ATP13A2: variants seen among roughly 807,000 people sequenced by gnomAD.
The protein encoded by ATP13A2 is ATPase cation transporting 13A2, also known as polyamine-transporting ATPase 13A2.
ATP13A2 carries 83 observed loss-of-function variants against 138.3 expected under a neutral mutation model. That is an observed-to-expected ratio of 0.60 (90% CI 0.50 to 0.72). ATP13A2 has a LOEUF of 0.72. Ranked by LOEUF, ATP13A2 falls within the 30% of genes least tolerant of loss-of-function variation. The pLI, the probability that ATP13A2 is intolerant of heterozygous loss-of-function variation, is 0.00. For synonymous variants in ATP13A2, 663 were observed against 699.0 expected (o/e 0.95, Z 0.81); for missense variants, 1,402 against 1,606.4 (o/e 0.87, Z 2.17).
intron 1 of ATP13A2, among the ~76,000 whole-genome samples, chr1:17,006,312 T>A (rs1006051366): frequency 6.7e-5 from 10 of 149,244 alleles, no homozygotes; most frequent in African/African-American, 2.0e-4. Context: ...GTGCAGTCAC[T>A]TGATCTCAGC....
intron 15 of ATP13A2, among the ~76,000 whole-genome samples, chr1:16,994,222 ATTTT>A (rs374466494): frequency 7.2e-6 from 1 of 139,290 alleles, no homozygotes; most frequent in African/African-American, 2.6e-5. Flanking sequence ...TTATTTATTT[ATTTT>A]TATTTTTATT....
rs760935912 is a variant in ATP13A2 at position 16,986,863 on chromosome 1, G to A, written c.3177C>T (p.Leu1059=). Residue 1059 remains leucine (L), a synonymous_variant, in exon 27 of 29, where the codon CTC becomes CTT. Transcript: ENST00000326735. This position sits in a 1 kb window ranked among gnomAD's most constrained non-coding sequence, Gnocchi z 6.9. ...CCTTGGACACGGCTGCAGCCAGGAT[G>A]AGGTACTGGAAGCTGGACAGAGAGA... is the stretch of plus-strand genomic sequence containing the variant. ...VVFSLSSFQY[L]ILAAAVSKGA... 3 of 1,613,952 alleles carry A rather than the reference G, an allele frequency of 1.9e-6. No individual in the cohort carries two copies. Among genetic ancestry groups the A allele is most frequent in the Admixed American group, 3.3e-5 (2 of 59,996 alleles).
In ATP13A2 at chr1:16,992,295, G is replaced by C. The variant is rs1461525073; in HGVS notation, c.1953C>G (p.Ala651=). ...VAWPGATQPE[A]YVKGSPELVA... ...CCAGCTCCGGGGAGCCTTTGACGTAGGCCTCGGGCTGAGTGGCCCCTGGCC... is the reference window on the plus strand; with the variant it reads ...CCAGCTCCGGGGAGCCTTTGACGTACGCCTCGGGCTGAGTGGCCCCTGGCC... The change falls in exon 18 of 29, where the codon GCC becomes GCG. Residue 651 remains alanine (A), a synonymous_variant. Transcript: ENST00000326735. The C allele has an allele frequency of 1.2e-6, 2 of 1,612,562 alleles. No homozygotes were observed. The highest frequency in any genetic ancestry group is 2.2e-5 in the East Asian group (1 of 44,878).
Position 17,002,339 on chromosome 1 carries a change from G to A in ATP13A2, c.592C>T (p.His198Tyr). The A allele has an allele frequency of 6.2e-7, 1 of 1,613,300 alleles. No individual in the cohort carries two copies. The highest frequency in any genetic ancestry group is 8.5e-7 in the Non-Finnish European group (1 of 1,179,848). Residue 198 changes from histidine to tyrosine, a missense_variant, in exon 7 of 29, where the codon CAC (histidine) becomes TAC (tyrosine). His to Tyr is a moderately conservative substitution (Grantham distance 83). Coordinates refer to ENST00000326735, the MANE Select transcript of ATP13A2 (RefSeq NM_022089.4). ...AGGCTGAGGCCATGGCGGGAGCGGT[G>A]GACGTCGTCACAAGAGCGGCCATGG... ...LDHGRSCDDV[H>Y]RSRHGLSLQD...
At chr1:16,987,767 G>A (rs527272618) in intron 25 of ATP13A2, among the ~76,000 whole-genome samples, 2 of 152,316 alleles carry the variant, frequency 1.3e-5, no homozygotes, top group Admixed American at 6.5e-5. Context: ...GTACAGCCAA[G>A]GTATGGGGCA....
chr1:16,991,277 G>A (rs891939083), intron 20 of ATP13A2, among the ~76,000 whole-genome samples: 1 of 152,136 alleles, frequency 6.6e-6, no homozygotes, highest in Non-Finnish European at 1.5e-5. Flanking sequence ...TAGAGACGGA[G>A]TTTTGCCATG....
chr1:16,992,560 C>T lies in ATP13A2; in HGVS notation c.1771G>A (p.Ala591Thr), dbSNP rs766954863. 2 of 1,614,226 alleles carry T rather than the reference C, an allele frequency of 1.2e-6. No homozygotes were observed. The highest frequency in any genetic ancestry group is 8.5e-7 in the Non-Finnish European group (1 of 1,180,024). The change falls in exon 17 of 29, where the codon GCA becomes ACA. Residue 591 changes from alanine (A) to threonine (T), a missense_variant. Coordinates refer to ENST00000326735, the MANE Select transcript of ATP13A2 (RefSeq NM_022089.4). ...ACCTGGGTCCCAAATGCTGAGTCTG[C>T]AGCCGGCTCTTCCTCCAGGACCTGG... ...TGWVLEEEPA[A>T]DSAFGTQVLA...
intron 2 of ATP13A2, 64 bp from the exon 3 acceptor site, chr1:17,005,620 G>T: frequency 6.2e-7 from 1 of 1,613,396 alleles, no homozygotes; most frequent in Non-Finnish European, 8.5e-7. Flanking sequence ...GGAAGTTGGG[G>T]TGTCTGGGTG....
chr1:16,986,769 T>C lies in ATP13A2; in HGVS notation c.3235+36A>G. On this transcript the variant is annotated intron_variant, in intron 27 of 28. Coordinates refer to ENST00000326735, the MANE Select transcript of ATP13A2 (RefSeq NM_022089.4). This position sits in a 1 kb window ranked among gnomAD's most constrained non-coding sequence, Gnocchi z 6.9. ...CAGCACCCCAGGGCTCCTCCCTCCCTCCGCCAGCATCTCCCGCCCGCGCCC... is the reference window on the plus strand; with the variant it reads ...CAGCACCCCAGGGCTCCTCCCTCCCCCCGCCAGCATCTCCCGCCCGCGCCC... The C allele has an allele frequency of 6.2e-7, 1 of 1,600,076 alleles. No individual in the cohort carries two copies. The highest frequency in any genetic ancestry group is 8.5e-7 in the Non-Finnish European group (1 of 1,175,340).
rs1453919814 is a variant in ATP13A2 at position 17,011,139 on chromosome 1, C to T, written c.10+590G>A. ...TTAAATTAGACCCTGGAGGAGTGGG[C>T]GTAGGACATCTGGCCAGGGATGGGT... On this transcript the variant is annotated intron_variant, in intron 1 of 28. Transcript: ENST00000326735. This position sits in a 1 kb window ranked among gnomAD's most constrained non-coding sequence, Gnocchi z 7.3. Among the ~76,000 whole-genome samples, 2 of 151,972 alleles carry T rather than the reference C, an allele frequency of 1.3e-5. No homozygotes were observed. The highest frequency in any genetic ancestry group is 1.9e-4 in the East Asian group (1 of 5,174).
intron 20 of ATP13A2, among the ~76,000 whole-genome samples, 156 bp downstream of exon 20, chr1:16,991,578 G>T (rs2076932371): frequency 6.6e-6 from 1 of 152,188 alleles, no homozygotes; most frequent in Non-Finnish European, 1.5e-5. Context: ...ACTTGCGGGG[G>T]GGATATTGTG....
In ATP13A2 at chr1:17,002,060, AC is replaced by A; in HGVS notation, c.678del (p.Lys226AsnfsTer12). ...TCGTCCACCAGCAGCTGGGGGTAGG[AC>A]TTGACCGGTATGCTGATCACGTTGG... Reference protein sequence around the residue: ...YGPNVISIPVKSYPQLLVDEA... With the variant: ...YGPNVISIPVXSYPQLLVDEA... On this transcript the variant is annotated frameshift_variant, in exon 8 of 29. Transcript: ENST00000326735. LOFTEE classifies it high-confidence loss of function. 1 of 1,613,476 alleles carries A rather than the reference AC, an allele frequency of 6.2e-7. No individual in the cohort carries two copies.
chr1:16,995,938 G>T lies in ATP13A2; in HGVS notation c.1542+38C>A. The T allele has an allele frequency of 6.2e-7, 1 of 1,612,344 alleles. No homozygotes were observed. Among genetic ancestry groups the T allele is most frequent in the Non-Finnish European group, 8.5e-7 (1 of 1,179,518 alleles). On this transcript the variant is annotated intron_variant, in intron 15 of 28. Transcript: ENST00000326735. This position sits in a 1 kb window ranked among gnomAD's most constrained non-coding sequence, Gnocchi z 4.1. Reference sequence around the variant, plus strand: ...AGGCCTCACTGGGGCGCCTGTGGCTGTCCCGCTCCCCTGCACCAACCCCAC... The same window carrying T: ...AGGCCTCACTGGGGCGCCTGTGGCTTTCCCGCTCCCCTGCACCAACCCCAC...
In ATP13A2 at chr1:16,997,051, T is replaced by C; in HGVS notation, c.1164A>G (p.Gly388=). ...GGGTCACCACTGCCAGGACGTGCGG[T>C]CCCACATAGGCCCGGGCCTGCAAGA... The part of the protein sequence containing the change: ...TLILQARAYV[G]PHVLAVVTRT... Residue 388 remains glycine, a synonymous_variant, in exon 12 of 29, where the codon GGA becomes GGG. Transcript: ENST00000326735. 2 of 1,612,948 alleles carry C rather than the reference T, an allele frequency of 1.2e-6. No homozygotes were observed. The highest frequency in any genetic ancestry group is 1.1e-5 in the South Asian group (1 of 91,038).
intron 15 of ATP13A2, among the ~76,000 whole-genome samples, chr1:16,994,671 A>AC (rs1051049284): frequency 6.2e-5 from 9 of 145,362 alleles, no homozygotes; most frequent in Admixed American, 2.1e-4. Context: ...CGGTTTATTT[A>AC]TTTTTTTTTG....
At chr1:16,994,740 G>A (rs2100845885) in intron 15 of ATP13A2, among the ~76,000 whole-genome samples, 1 of 151,984 alleles carries the variant, frequency 6.6e-6, no homozygotes, top group African/African-American at 2.4e-5. Flanking sequence ...TCAGCTCACT[G>A]CAACCTCTGC....
chr1:16,992,178 G>T (rs747299945), intron 18 of ATP13A2, 49 bp from the exon 19 acceptor site: 1 of 1,611,550 alleles, frequency 6.2e-7, no homozygotes, highest in Non-Finnish European at 8.5e-7. Context: ...AGGGACAGAG[G>T]CTGGGTACCC....
Position 17,000,020 on chromosome 1 carries a change from A to T in ATP13A2, c.1030T>A (p.Ser344Thr). Reference protein sequence around the residue: ...VAGECMVNESSLTGESIPVLK... With the variant: ...VAGECMVNESTLTGESIPVLK... The stretch of plus-strand genomic sequence containing the variant: ...GGGGCTGGGGGCTCACCTGTCAGAG[A>T]GCTCTCATTCACCATGCACTCGCCG... Residue 344 changes from serine (S) to threonine (T), a missense_variant, in exon 11 of 29, where the codon TCT (serine) becomes ACT (threonine). Transcript: ENST00000326735. 6.2e-7 allele frequency: 1 copy of T among 1,608,438 alleles called. No homozygotes were observed. The highest frequency in any genetic ancestry group is 8.5e-7 in the Non-Finnish European group (1 of 1,177,078).
intron 13 of ATP13A2, 40 bp downstream of exon 13, chr1:16,996,346 G>A (rs769010707): frequency 1.9e-6 from 3 of 1,613,896 alleles, no homozygotes; most frequent in East Asian, 2.2e-5. Flanking sequence ...ACCCAGGTGG[G>A]GGGGGCTATG....
Sources: gnomAD v4.1 joint callset for allele counts (sites outside exome capture counted in the v4.1 genomes callset) on GRCh38, gnomAD v4.1.1 for gene constraint, Gnocchi (gnomAD v3.1) non-coding constraint, MANE v1.5 for transcripts, NCBI Gene and HGNC (gene_info 2026-07-23, HGNC 2026-07-21) for gene names.